Variants in PARVB observed in about 807,000 individuals in gnomAD.
PARVB encodes the protein beta-parvin.
Under a neutral mutation model 47.0 loss-of-function variants are expected in PARVB, and 46 were observed. The observed-to-expected ratio is 0.98, with a 90% CI of 0.77 to 1.25. The LOEUF (loss-of-function observed/expected upper bound fraction) is 1.25, where lower values mean the gene tolerates loss of function less well. Ranked by LOEUF, PARVB falls within the 50% of genes most tolerant of loss-of-function variation. PARVB has a pLI of 0.00. For missense variants in PARVB, 473 were observed against 471.6 expected (o/e 1.00, Z -0.03); for synonymous variants, 196 against 196.3 (o/e 1.00, Z 0.01).
chr22:44,053,104 G>C (rs543939514), intron 1 of PARVB, among the ~76,000 whole-genome samples: 23 of 137,372 alleles, frequency 1.7e-4, no homozygotes, highest in African/African-American at 6.0e-4. Context: ...TTTTTTTTGA[G>C]ATGGAGTCTT....
chr22:44,029,628 T>G (rs550253243), intron 1 of PARVB, among the ~76,000 whole-genome samples: 1 of 151,908 alleles, frequency 6.6e-6, no homozygotes, highest in South Asian at 2.1e-4. Context: ...ATAGAAAAAT[T>G]AGCCAGGCGT....
At chr22:44,168,503 C>A in intron 12 of PARVB, 99 bp from the exon 13 acceptor site, 1 of 795,274 alleles carries the variant, frequency 1.3e-6, no homozygotes. Context: ...TGTGTGGATG[C>A]GGCAGCTGGT....
intron 1 of PARVB, among the ~76,000 whole-genome samples, chr22:44,035,086 A>G (rs2050896257): frequency 6.6e-6 from 1 of 152,214 alleles, no homozygotes; most frequent in Non-Finnish European, 1.5e-5. Flanking sequence ...CACTGATAAC[A>G]TAAACAATTA....
intron 1 of PARVB, among the ~76,000 whole-genome samples, chr22:44,057,908 C>G (rs1431627326): frequency 6.6e-6 from 1 of 151,966 alleles, no homozygotes; most frequent in African/African-American, 2.4e-5. Flanking sequence ...TTGCTGGAAG[C>G]CTGGGCTCTT....
Position 44,035,794 on chromosome 22 carries a change from T to A in PARVB, c.112+11343T>A, listed in dbSNP as rs547641676. 9.2e-5 allele frequency among the ~76,000 whole-genome samples: 14 copies of A among 151,614 alleles called. No individual in the cohort carries two copies. The South Asian group carries it at 2.9e-3, about 32-fold the overall frequency. On this transcript the variant is annotated intron_variant, in intron 1 of 12. Coordinates refer to ENST00000338758, the MANE Select transcript of PARVB (RefSeq NM_013327.5). ...AAAAATACGTGGGAACCCAAACAGA[T>A]CACTTTTTTTTTTTTTTACTATGAT...
intron 3 of PARVB, chr22:44,107,958 C>G (rs2052605531): frequency 6.6e-6 from 1 of 152,106 alleles, no homozygotes; most frequent in Admixed American, 6.5e-5. Flanking sequence ...ACTGCAACCT[C>G]TGCCTCCCGG....
At chr22:44,136,410 T>G in intron 6 of PARVB, 50 bp from the exon 7 acceptor site, 1 of 1,543,954 alleles carries the variant, frequency 6.5e-7, no homozygotes, top group Non-Finnish European at 9.0e-7. Context: ...AGTGCATCTT[T>G]CCTCAACTCT....
At chr22:44,137,989 C>T (rs1022486834) in intron 7 of PARVB, among the ~76,000 whole-genome samples, 2 of 152,182 alleles carry the variant, frequency 1.3e-5, no homozygotes, top group African/African-American at 4.8e-5. Context: ...GAGGGGGTCC[C>T]ATATGAGGAC....
intron 8 of PARVB, chr22:44,142,282 G>T (rs8140940): frequency 0.14 from 21,263 of 149,528 alleles, 2,324 homozygotes; most frequent in African/African-American, 0.28. Context: ...GGAGGCTGAT[G>T]CAGGAGAATC....
intron 1 of PARVB, among the ~76,000 whole-genome samples, chr22:44,088,859 T>G (rs2052094863): frequency 6.6e-6 from 1 of 152,174 alleles, no homozygotes; most frequent in Non-Finnish European, 1.5e-5. Context: ...TTAGTGGTGC[T>G]CTCCCCCTTT....
chr22:44,109,242 T>A (rs1351910206), intron 3 of PARVB: 1 of 152,254 alleles, frequency 6.6e-6, no homozygotes, highest in Non-Finnish European at 1.5e-5. Context: ...CTCGTCCGAC[T>A]CTTTTTGGAA....
chr22:44,038,584 C>A (rs1283363005), intron 1 of PARVB, among the ~76,000 whole-genome samples: 5 of 152,130 alleles, frequency 3.3e-5, no homozygotes. Context: ...AGTTCAAGAC[C>A]AGCTTGGCCA....
At chr22:44,004,399 C>T (rs900893163) in intron 2 of PARVB, among the ~76,000 whole-genome samples, 1 of 151,870 alleles carries the variant, frequency 6.6e-6, no homozygotes, top group Non-Finnish European at 1.5e-5. Flanking sequence ...AAAGTGTGAC[C>T]CCCCCCTTAC....
At chr22:44,038,395 G>A (rs1045426171) in intron 1 of PARVB, among the ~76,000 whole-genome samples, 2 of 152,182 alleles carry the variant, frequency 1.3e-5, no homozygotes, top group Non-Finnish European at 2.9e-5. Flanking sequence ...ACTTCCCCAC[G>A]CTGTGCCTCA....
At chr22:44,123,467 G>T (rs1420759033) in intron 4 of PARVB, among the ~76,000 whole-genome samples, 1 of 152,198 alleles carries the variant, frequency 6.6e-6, no homozygotes, top group Non-Finnish European at 1.5e-5. Flanking sequence ...GGCCTGGAGT[G>T]TGGGGGTACA....
intron 1 of PARVB, among the ~76,000 whole-genome samples, chr22:44,046,152 G>A (rs1018225691): frequency 6.6e-6 from 1 of 152,190 alleles, no homozygotes; most frequent in African/African-American, 2.4e-5. Flanking sequence ...TTATCCCTGG[G>A]TGGCTTATGC....
At chr22:44,067,017 G>C (rs1399326531) in intron 1 of PARVB, among the ~76,000 whole-genome samples, 4 of 152,074 alleles carry the variant, frequency 2.6e-5, no homozygotes, top group Non-Finnish European at 5.9e-5. Flanking sequence ...ATCTGGCTAA[G>C]TTTTTGTAGA....
intron 1 of PARVB, among the ~76,000 whole-genome samples, chr22:44,066,801 C>CCTT (rs2051538840): frequency 4.5e-5 from 5 of 110,866 alleles, no homozygotes; most frequent in Admixed American, 1.0e-4. Context: ...TCCTCCTCCT[C>CCTT]CTCCTCCTCC....
chr22:44,151,287 A>T (rs2053802254), intron 9 of PARVB, 196 bp from the exon 10 acceptor site: 1 of 554,090 alleles, frequency 1.8e-6, no homozygotes, highest in South Asian at 2.0e-5. Context: ...GCCAGGATAG[A>T]TGTGGGCATT....
Sources: gnomAD v4.1 joint callset for allele counts (sites outside exome capture counted in the v4.1 genomes callset) on GRCh38, gnomAD v4.1.1 for gene constraint, MANE v1.5 for transcripts, NCBI Gene and HGNC (gene_info 2026-07-23, HGNC 2026-07-21) for gene names.